Variants in NAV3 observed in about 807,000 individuals in gnomAD.
NAV3 encodes pore membrane and/or filament interacting like protein 1.
In NAV3, 87 loss-of-function variants were observed where a neutral mutation model predicts 244.7. The observed-to-expected ratio is 0.36, with a 90% confidence interval of 0.30 to 0.42. NAV3 has a LOEUF of 0.42. Ranked by LOEUF, NAV3 falls within the 20% of genes least tolerant of loss-of-function variation. The pLI is 1.00. For synonymous variants in NAV3, 1,126 were observed against 1,042.2 expected (o/e 1.08, Z -1.55); for missense variants, 2,663 against 2,893.3 (o/e 0.92, Z 1.83).
intron 2 of NAV3, among the ~76,000 whole-genome samples, chr12:77,712,074 C>T (rs995552963): frequency 6.6e-6 from 1 of 152,140 alleles, no homozygotes; most frequent in Non-Finnish European, 1.5e-5. Flanking sequence ...GCAACTTGAG[C>T]ATGTTAAAAG....
chr12:77,811,500 T>C (rs2136001634), intron 2 of NAV3, among the ~76,000 whole-genome samples: 1 of 152,352 alleles, frequency 6.6e-6, no homozygotes, highest in Non-Finnish European at 1.5e-5. Context: ...TTTTTCAAGT[T>C]TGATACTAGG....
At chr12:78,167,864 T>C (rs906743398) in intron 23 of NAV3, among the ~76,000 whole-genome samples, 2 of 151,692 alleles carry the variant, frequency 1.3e-5, no homozygotes, top group Non-Finnish European at 2.9e-5. Flanking sequence ...AATTCTCAGT[T>C]CTTTTTCTTT....
intron 2 of NAV3, among the ~76,000 whole-genome samples, chr12:77,619,781 G>A (rs904361470): frequency 2.6e-5 from 4 of 151,492 alleles, no homozygotes; most frequent in Non-Finnish European, 5.9e-5. Context: ...TTTTTTTAAA[G>A]CAACATGAGA....
At chr12:77,604,086 G>A (rs1196386728) in intron 2 of NAV3, among the ~76,000 whole-genome samples, 1 of 152,056 alleles carries the variant, frequency 6.6e-6, no homozygotes, top group Non-Finnish European at 1.5e-5. Flanking sequence ...GGACTTAAGA[G>A]TGACAGGCTG....
intron 2 of NAV3, among the ~76,000 whole-genome samples, chr12:77,596,959 A>G (rs1870198539): frequency 6.6e-6 from 1 of 152,124 alleles, no homozygotes; most frequent in African/African-American, 2.4e-5. Context: ...AAAGTCTTAT[A>G]GTCAAGGCTT....
intron 2 of NAV3, among the ~76,000 whole-genome samples, chr12:77,635,408 A>T (rs1023076675): frequency 6.6e-6 from 1 of 152,184 alleles, no homozygotes; most frequent in Non-Finnish European, 1.5e-5. Context: ...AAAGAAGGGA[A>T]TGTTTTATGT....
intron 12 of NAV3, 71 bp downstream of exon 12, chr12:78,059,186 ACTC>A: frequency 6.9e-7 from 1 of 1,451,626 alleles, no homozygotes; most frequent in South Asian, 1.3e-5. Flanking sequence ...ATAACAGAAA[ACTC>A]CTATTAAACA....
intron 1 of NAV3, among the ~76,000 whole-genome samples, chr12:77,852,730 AAC>A (rs1431979608): frequency 2.0e-5 from 3 of 152,186 alleles, no homozygotes; most frequent in Non-Finnish European, 2.9e-5. Flanking sequence ...GTAGAAAATG[AAC>A]ACATTTTTCC....
intron 34 of NAV3, among the ~76,000 whole-genome samples, chr12:78,196,997 T>A (rs1196712097): frequency 6.6e-6 from 1 of 151,966 alleles, no homozygotes; most frequent in Non-Finnish European, 1.5e-5. Flanking sequence ...TATACTTTTA[T>A]ATTTGCTGCA....
At chr12:77,863,195 C>T (rs1444841025) in intron 1 of NAV3, among the ~76,000 whole-genome samples, 3 of 151,800 alleles carry the variant, frequency 2.0e-5, no homozygotes, top group Admixed American at 1.3e-4. Flanking sequence ...AAAGGAAATG[C>T]AAAGTGTAAA....
chr12:77,600,874 C>A (rs1870398173), intron 2 of NAV3, among the ~76,000 whole-genome samples: 1 of 151,794 alleles, frequency 6.6e-6, no homozygotes, highest in South Asian at 2.1e-4. Context: ...ACATTCTGAG[C>A]CTTAAAGTGG....
chr12:78,071,520 T>C (rs1193577951), intron 12 of NAV3, among the ~76,000 whole-genome samples: 8 of 152,140 alleles, frequency 5.3e-5, no homozygotes, highest in Non-Finnish European at 8.8e-5. Flanking sequence ...TTCACTCTGA[T>C]GGTAGTTTCT....
chr12:77,926,682 T>C (rs1367998597), intron 1 of NAV3, among the ~76,000 whole-genome samples: 2 of 152,202 alleles, frequency 1.3e-5, no homozygotes, highest in East Asian at 3.9e-4. Context: ...TGGCAGACTT[T>C]TTAAAATTCA....
At chr12:78,080,016 CT>C (rs1180712349) in intron 12 of NAV3, among the ~76,000 whole-genome samples, 1 of 152,162 alleles carries the variant, frequency 6.6e-6, no homozygotes, top group Non-Finnish European at 1.5e-5. Flanking sequence ...TGTATTTTGT[CT>C]ATATTTTAAT....
intron 1 of NAV3, among the ~76,000 whole-genome samples, chr12:77,898,984 A>G (rs1884953337): frequency 6.6e-6 from 1 of 152,206 alleles, no homozygotes; most frequent in South Asian, 2.1e-4. Context: ...CACCATGGGA[A>G]GTAACTGCTG....
At chr12:78,200,134 G>A (rs1344492016) in intron 37 of NAV3, among the ~76,000 whole-genome samples, 1 of 151,996 alleles carries the variant, frequency 6.6e-6, no homozygotes, top group African/African-American at 2.4e-5. Flanking sequence ...CTCATGCCAG[G>A]TCCCAATTCT....
intron 22 of NAV3, among the ~76,000 whole-genome samples, chr12:78,155,289 C>T (rs746409535): frequency 2.6e-5 from 4 of 152,034 alleles, no homozygotes; most frequent in Admixed American, 2.6e-4. Context: ...TTTTCTCTTC[C>T]TGTGTTAGTT....
chr12:77,982,546 A>T (rs951645358), intron 5 of NAV3, among the ~76,000 whole-genome samples: 6 of 152,228 alleles, frequency 3.9e-5, no homozygotes, highest in Admixed American at 3.9e-4. Context: ...TTTCACATTC[A>T]GGAAATGAGT....
intron 1 of NAV3, among the ~76,000 whole-genome samples, chr12:77,892,626 G>C (rs181478795): frequency 2.6e-5 from 4 of 152,094 alleles, no homozygotes; most frequent in Non-Finnish European, 5.9e-5. Context: ...GGTGTTAGCC[G>C]GGATGGTCTC....
Sources: gnomAD v4.1 joint callset for allele counts (sites outside exome capture counted in the v4.1 genomes callset) on GRCh38, gnomAD v4.1.1 for gene constraint, MANE v1.5 for transcripts, NCBI Gene and HGNC (gene_info 2026-07-23, HGNC 2026-07-21) for gene names.